HSPA4L: variants seen among roughly 807,000 people sequenced by gnomAD.
HSPA4L encodes heat shock 70 kDa protein 4L.
Under a neutral mutation model 100.3 loss-of-function variants are expected in HSPA4L, and 48 were observed. The ratio of observed to expected loss-of-function variants is 0.48; its 90% CI spans 0.38 to 0.61. The LOEUF (loss-of-function observed/expected upper bound fraction) is 0.61. Ranked by LOEUF, HSPA4L falls within the 20% of genes least tolerant of loss-of-function variation. The pLI, the probability that HSPA4L is intolerant of heterozygous loss-of-function variation, is 0.00. For synonymous variants in HSPA4L, 319 were observed against 328.2 expected (o/e 0.97, Z 0.30); for missense variants, 886 against 988.6 (o/e 0.90, Z 1.39).
intron 13 of HSPA4L, 99 bp from the exon 14 acceptor site, chr4:127,820,329 T>C (rs1169487980): frequency 1.6e-5 from 16 of 981,174 alleles, no homozygotes; most frequent in Non-Finnish European, 2.3e-5. Context: ...AAAATAAATA[T>C]AACAGATCAT....
chr4:127,795,017 A>G (rs1177102561), intron 2 of HSPA4L, among the ~76,000 whole-genome samples: 1 of 152,140 alleles, frequency 6.6e-6, no homozygotes, highest in Non-Finnish European at 1.5e-5. Flanking sequence ...ATTTAGCACT[A>G]TGCTACATGG....
intron 16 of HSPA4L, among the ~76,000 whole-genome samples, chr4:127,826,117 A>T (rs902252001): frequency 2.0e-5 from 3 of 152,252 alleles, no homozygotes; most frequent in African/African-American, 7.2e-5. Flanking sequence ...TTAAAAATTT[A>T]AAATGGTGGC....
chr4:127,801,268 A>G (rs753030783), intron 5 of HSPA4L, 31 bp downstream of exon 5: 3 of 1,436,392 alleles, frequency 2.1e-6, no homozygotes, highest in South Asian at 2.4e-5. Context: ...AAATCACTAT[A>G]AGCAAAATAC....
chr4:127,793,768 C>A (rs532446861), intron 1 of HSPA4L, among the ~76,000 whole-genome samples: 1 of 152,208 alleles, frequency 6.6e-6, no homozygotes, highest in African/African-American at 2.4e-5. Flanking sequence ...CCCTGAAAAT[C>A]CATTGGTCAA....
chr4:127,786,357 G>C (rs73847065), intron 1 of HSPA4L, among the ~76,000 whole-genome samples: 1 of 152,122 alleles, frequency 6.6e-6, no homozygotes, highest in Non-Finnish European at 1.5e-5. Context: ...CAAATTACCT[G>C]GTTGAGCAGT....
intron 12 of HSPA4L, among the ~76,000 whole-genome samples, chr4:127,814,607 G>A (rs1172088239): frequency 6.6e-6 from 1 of 151,198 alleles, no homozygotes; most frequent in Non-Finnish European, 1.5e-5. Flanking sequence ...TCGCTCTGTC[G>A]CCCAGGCTGG....
chr4:127,824,319 CTT>C (rs1197512730), intron 16 of HSPA4L, among the ~76,000 whole-genome samples: 2 of 152,088 alleles, frequency 1.3e-5, no homozygotes, highest in African/African-American at 4.8e-5. Flanking sequence ...TTAGATATCT[CTT>C]TGGCATAGTG....
chr4:127,796,088 C>T (rs1229851657), intron 3 of HSPA4L, among the ~76,000 whole-genome samples, 180 bp downstream of exon 3: 1 of 151,976 alleles, frequency 6.6e-6, no homozygotes, highest in African/African-American at 2.4e-5. Context: ...ATAATTTTTT[C>T]ATTCAAATCA....
chr4:127,782,268 C>G (rs1732575106), upstream of HSPA4L: 1 of 438,654 alleles, frequency 2.3e-6, no homozygotes, highest in Admixed American at 3.8e-5. Context: ...TCCCGGGCAG[C>G]CGAGCGCGCA....
At chr4:127,814,577 T>G (rs529067063) in intron 12 of HSPA4L, among the ~76,000 whole-genome samples, 1 of 151,470 alleles carries the variant, frequency 6.6e-6, no homozygotes, top group South Asian at 2.1e-4. Flanking sequence ...ACTTTTTACT[T>G]TTTTTTTTGA....
At chr4:127,820,804 T>G (rs964355297) in intron 14 of HSPA4L, among the ~76,000 whole-genome samples, 2 of 152,136 alleles carry the variant, frequency 1.3e-5, no homozygotes, top group Non-Finnish European at 2.9e-5. Context: ...GAAAGACTTT[T>G]CTGAAATTGA....
rs1734191379 is a variant in HSPA4L at position 127,835,739 on chromosome 4, G to C, written c.*2865G>C. The C allele has an allele frequency of 6.6e-6, 1 of 151,150 alleles. No homozygotes were observed. The highest frequency in any genetic ancestry group is 1.5e-5 in the Non-Finnish European group (1 of 67,828). The allele number at this position is 151,150 out of a possible 1,614,324, so 9.4% of individuals were successfully genotyped here. On this transcript the variant is annotated 3_prime_UTR_variant, in exon 19 of 19. Coordinates refer to ENST00000296464, the MANE Select transcript of HSPA4L (RefSeq NM_014278.4). ...AAAAATTCTTCCAAAAAACTAGAAA[G>C]AGCACAGCAAAGAATTTGGCTATTG...
intron 16 of HSPA4L, among the ~76,000 whole-genome samples, chr4:127,826,490 C>A (rs533369310): frequency 6.6e-6 from 1 of 152,148 alleles, no homozygotes; most frequent in African/African-American, 2.4e-5. Context: ...GTAATGGTAT[C>A]CTGGAACAGA....
In HSPA4L at chr4:127,805,673, C is replaced by T. The variant is rs778099201; in HGVS notation, c.1138-14C>T. On this transcript the variant is annotated splice_polypyrimidine_tract_variant and intron_variant, in intron 9 of 18. Transcript: ENST00000296464. Reference sequence around the variant, plus strand: ...TATTTGTTGATTTAAATATGGTATACATCTTATTTTCAGTGTGCGATTCTC... The same window carrying T: ...TATTTGTTGATTTAAATATGGTATATATCTTATTTTCAGTGTGCGATTCTC... 6.4e-7 allele frequency: 1 copy of T among 1,572,184 alleles called. No individual in the cohort carries two copies. Among genetic ancestry groups the T allele is most frequent in the Non-Finnish European group, 8.7e-7 (1 of 1,143,160 alleles).
intron 12 of HSPA4L, among the ~76,000 whole-genome samples, chr4:127,816,392 G>A (rs1265020786): frequency 1.3e-5 from 2 of 152,080 alleles, no homozygotes; most frequent in African/African-American, 4.8e-5. Flanking sequence ...GCTTTTAAAT[G>A]TATCTTAGTC....
At position 127,803,706 on chromosome 4, in the gene HSPA4L, G is replaced by T. The variant is rs1334041444; in HGVS notation, c.741G>T (p.Glu247Asp). Residue 247 changes from glutamate to aspartate, a missense_variant, in exon 7 of 19, where the codon GAG becomes GAT. By Grantham distance (45) the Glu-to-Asp change is conservative. Coordinates refer to ENST00000296464, the MANE Select transcript of HSPA4L (RefSeq NM_014278.4). ...DEALVDYFCDEFKTKYKINVK... is the reference protein window; with the variant it reads ...DEALVDYFCDDFKTKYKINVK... Reference sequence around the variant, plus strand: ...CTTTAGTAGACTACTTCTGTGATGAGTTCAAGACCAAATATAAGATAAATG... The same window carrying T: ...CTTTAGTAGACTACTTCTGTGATGATTTCAAGACCAAATATAAGATAAATG... 3 of 1,613,858 alleles carry T rather than the reference G, an allele frequency of 1.9e-6. No individual in the cohort carries two copies. The East Asian group carries it at 6.7e-5, about 36-fold the overall frequency.
At position 127,823,600 on chromosome 4, in the gene HSPA4L, T is replaced by C. The variant is rs1354366457; in HGVS notation, c.2022T>C (p.Tyr674=). The C allele has an allele frequency of 1.9e-6, 3 of 1,612,164 alleles. No individual in the cohort carries two copies. The highest frequency in any genetic ancestry group is 3.3e-5 in the Admixed American group (2 of 59,996). ...EDGEDQPKQV[Y]VDKLQELKKY... is the part of the protein sequence containing the mutation. ...GAGAGGACCAACCTAAACAAGTTTATGTGGATAAGCTTCAAGAACTAAAGG... is the reference window on the plus strand; with the variant it reads ...GAGAGGACCAACCTAAACAAGTTTACGTGGATAAGCTTCAAGAACTAAAGG... Residue 674 remains tyrosine, a synonymous_variant, in exon 16 of 19, where the codon TAT becomes TAC. Transcript: ENST00000296464.
At chr4:127,783,369 G>C (rs1372583734) in intron 1 of HSPA4L, among the ~76,000 whole-genome samples, 1 of 152,058 alleles carries the variant, frequency 6.6e-6, no homozygotes, top group Non-Finnish European at 1.5e-5. Flanking sequence ...AATGCGGCGG[G>C]GTTGGGTCGG....
chr4:127,812,441 T>TTAACTTTA (rs1733559952), intron 12 of HSPA4L, among the ~76,000 whole-genome samples: 1 of 151,936 alleles, frequency 6.6e-6, no homozygotes, highest in South Asian at 2.1e-4. Flanking sequence ...AACAGATTTT[T>TTAACTTTA]TAACTTTATT....
Sources: allele counts gnomAD v4.1 joint callset (sites outside exome capture counted in the v4.1 genomes callset), GRCh38; gene constraint gnomAD v4.1.1; transcripts MANE v1.5; gene names NCBI Gene and HGNC (gene_info 2026-07-23, HGNC 2026-07-21).